Variants in CFAP54 observed in about 807,000 individuals in gnomAD.
CFAP54 encodes cilia- and flagella-associated protein 54.
In CFAP54, 290 loss-of-function variants were observed where a neutral mutation model predicts 370.4. The ratio of observed to expected loss-of-function variants is 0.78; its 90% CI spans 0.71 to 0.86. The LOEUF (loss-of-function observed/expected upper bound fraction) is 0.86, where lower values mean the gene tolerates loss of function less well. Among genes scored for constraint, CFAP54 ranks in the 40% least tolerant of loss-of-function variants. The probability of loss-of-function intolerance (pLI) is 0.00; values close to 1 mark genes in which losing one functional copy is unlikely to be tolerated. For synonymous variants in CFAP54, 1,206 were observed against 1,236.5 expected (o/e 0.98, Z 0.52); for missense variants, 3,399 against 3,528.7 (o/e 0.96, Z 0.93).
At chr12:96,763,145 A>T (rs1009070422) in intron 58 of CFAP54, among the ~76,000 whole-genome samples, 2 of 152,162 alleles carry the variant, frequency 1.3e-5, no homozygotes, top group Non-Finnish European at 1.5e-5. Context: ...AGTTGTCTTT[A>T]AAAATGTACA....
chr12:96,521,803 A>G (rs1955324038), intron 6 of CFAP54, 54 bp from the exon 7 acceptor site: 2 of 1,298,488 alleles, frequency 1.5e-6, no homozygotes, highest in Non-Finnish European at 1.1e-6. Context: ...GTCTTTATAC[A>G]TTTTAATCAC....
At chr12:96,672,579 A>G (rs936383858) in intron 39 of CFAP54, among the ~76,000 whole-genome samples, 4 of 152,204 alleles carry the variant, frequency 2.6e-5, no homozygotes, top group South Asian at 2.1e-4. Context: ...GTTACTGCCA[A>G]TGATAATCAG....
At chr12:96,759,605 A>G (rs1033289830) in intron 58 of CFAP54, among the ~76,000 whole-genome samples, 3 of 152,244 alleles carry the variant, frequency 2.0e-5, no homozygotes, top group African/African-American at 7.2e-5. Flanking sequence ...AATATGTCCT[A>G]ATAAAGACAA....
chr12:96,653,969 A>G (rs1956891807), intron 36 of CFAP54, among the ~76,000 whole-genome samples: 1 of 152,202 alleles, frequency 6.6e-6, no homozygotes, highest in Non-Finnish European at 1.5e-5. Flanking sequence ...AAATATGATC[A>G]ATTTTTGTTA....
intron 66 of CFAP54, among the ~76,000 whole-genome samples, chr12:96,859,837 GA>G (rs1239982509): frequency 2.0e-5 from 3 of 152,030 alleles, no homozygotes; most frequent in Middle Eastern, 3.4e-3. Flanking sequence ...TTAAAAAAAA[GA>G]AAAAAACCAT....
At chr12:96,742,798 A>G (rs1165076174) in intron 52 of CFAP54, among the ~76,000 whole-genome samples, 1 of 152,214 alleles carries the variant, frequency 6.6e-6, no homozygotes, top group Non-Finnish European at 1.5e-5. Flanking sequence ...TAATGTATGC[A>G]AAACAGATAA....
rs773577243 is a variant in CFAP54 at position 96,704,695 on chromosome 12, A to G, written c.6475-48A>G. On this transcript the variant is annotated intron_variant, in intron 46 of 67. Transcript: ENST00000524981. ...CACATTAAATGTTTTATTGAAAAGA[A>G]TACTCAAGTAATCTTGTTCTTGCTG... 5 of 812,966 alleles carry G rather than the reference A, an allele frequency of 6.2e-6. No homozygotes were observed. The African/African-American group carries it at 9.2e-5, about 15-fold the overall frequency. The allele number at this position is 812,966 out of a possible 1,614,324, so 50.4% of individuals were successfully genotyped here.
chr12:96,849,035 C>A (rs1488685824), intron 66 of CFAP54, among the ~76,000 whole-genome samples: 1 of 152,134 alleles, frequency 6.6e-6, no homozygotes, highest in African/African-American at 2.4e-5. Context: ...TGAGATGGAT[C>A]ACCAGTCATT....
chr12:96,828,977 T>C, intron 65 of CFAP54, 37 bp from the exon 66 acceptor site: 2 of 1,107,986 alleles, frequency 1.8e-6, no homozygotes, highest in Non-Finnish European at 2.6e-6. Context: ...TTTCTAATAA[T>C]ATCAACCTCA....
At chr12:96,699,144 T>C (rs1416609939) in intron 45 of CFAP54, among the ~76,000 whole-genome samples, 1 of 152,150 alleles carries the variant, frequency 6.6e-6, no homozygotes. Flanking sequence ...AATCAGAGGC[T>C]AGGGTGAAGT....
At chr12:96,831,196 T>G (rs1959170091) in intron 66 of CFAP54, among the ~76,000 whole-genome samples, 2 of 152,212 alleles carry the variant, frequency 1.3e-5, no homozygotes, top group Admixed American at 1.3e-4. Flanking sequence ...TTCTGTGCAC[T>G]GAAGAGCTAG....
At chr12:96,823,140 G>C (rs906825458) in intron 65 of CFAP54, among the ~76,000 whole-genome samples, 2 of 149,898 alleles carry the variant, frequency 1.3e-5, no homozygotes, top group Non-Finnish European at 3.0e-5. Context: ...GTGTGTGTCT[G>C]TGTGTGTGTG....
chr12:96,747,787 A>G (rs1958134015), intron 55 of CFAP54, among the ~76,000 whole-genome samples: 1 of 152,178 alleles, frequency 6.6e-6, no homozygotes, highest in Non-Finnish European at 1.5e-5. Context: ...TTCCCTATAT[A>G]TTTGAAATAA....
rs1247012073 is a variant in CFAP54, at chr12:96,673,496, A to G, written c.5564-6104A>G. ...GTTTTACATGGAATTGTTATCATTA[A>G]AAGGTTAGCATCCAACTTGTAGCTC... On this transcript the variant is annotated intron_variant, in intron 39 of 67. Coordinates refer to ENST00000524981, the MANE Select transcript of CFAP54 (RefSeq NM_001306084.2). 2.0e-5 allele frequency among the ~76,000 whole-genome samples: 3 copies of G among 152,224 alleles called. No individual in the cohort carries two copies. In the East Asian group the frequency reaches 5.8e-4, roughly 29 times the overall value.
chr12:96,759,459 T>TTC (rs1958309867), intron 58 of CFAP54, among the ~76,000 whole-genome samples: 2 of 152,194 alleles, frequency 1.3e-5, no homozygotes, highest in African/African-American at 2.4e-5. Flanking sequence ...TACAATATGA[T>TTC]CATTATTTTC....
intron 64 of CFAP54, among the ~76,000 whole-genome samples, chr12:96,815,655 G>C (rs1347565108): frequency 6.6e-6 from 1 of 152,148 alleles, no homozygotes; most frequent in Non-Finnish European, 1.5e-5. Flanking sequence ...GTCCTGAATG[G>C]TATTGCCTAG....
intron 43 of CFAP54, 120 bp from the exon 44 acceptor site, chr12:96,691,008 G>C: frequency 1.3e-6 from 1 of 779,278 alleles, no homozygotes; most frequent in East Asian, 2.8e-5. Context: ...TTATTACAAA[G>C]TACAGTGTGC....
chr12:96,820,033 C>T (rs571106372), intron 65 of CFAP54, among the ~76,000 whole-genome samples: 13 of 152,278 alleles, frequency 8.5e-5, no homozygotes, highest in Admixed American at 7.2e-4. Context: ...ATGCCTCCTA[C>T]TTGCCATGGT....
intron 9 of CFAP54, among the ~76,000 whole-genome samples, chr12:96,530,115 A>G (rs919017898): frequency 6.6e-5 from 10 of 152,194 alleles, no homozygotes; most frequent in Non-Finnish European, 1.5e-5. Context: ...TCCCTTAGTC[A>G]TAAATTAGGT....
Sources: gnomAD v4.1 joint callset for allele counts (sites outside exome capture counted in the v4.1 genomes callset) on GRCh38, gnomAD v4.1.1 for gene constraint, MANE v1.5 for transcripts, NCBI Gene and HGNC (gene_info 2026-07-23, HGNC 2026-07-21) for gene names.